The following KCNN2 variants were observed in gnomAD, a reference collection of about 807,000 sequenced individuals.
KCNN2 encodes potassium calcium-activated channel subfamily N member 2.
In KCNN2, 24 loss-of-function variants were observed where a neutral mutation model predicts 55.5. The observed-to-expected ratio is 0.43, with a 90% CI of 0.31 to 0.61. KCNN2 has a LOEUF of 0.61. Among genes scored for constraint, KCNN2 ranks in the 20% least tolerant of loss-of-function variants. KCNN2 has a pLI of 0.08. For synonymous variants in KCNN2, 431 were observed against 336.1 expected (o/e 1.28, Z -3.09); for missense variants, 754 against 853.6 (o/e 0.88, Z 1.45).
At chr5:114,087,292 T>A (rs564998614) in intron 1 of KCNN2, among the ~76,000 whole-genome samples, 1 of 152,192 alleles carries the variant, frequency 6.6e-6, no homozygotes, top group East Asian at 1.9e-4. Flanking sequence ...TAGATCCCAC[T>A]TGTCAATTTT....
At chr5:114,468,761 C>T (rs1048103018) in intron 4 of KCNN2, among the ~76,000 whole-genome samples, 17 of 152,120 alleles carry the variant, frequency 1.1e-4, no homozygotes, top group African/African-American at 3.9e-4. Context: ...GTCTTTTTCA[C>T]AGTTGAAATA....
In KCNN2 at chr5:114,136,440, C is replaced by G. The variant is rs560820169; in HGVS notation, c.-271+79940C>G. 3.2e-4 allele frequency among the ~76,000 whole-genome samples: 48 copies of G among 152,250 alleles called. 3 individuals are homozygous for G. The South Asian group carries it at 9.5e-3, about 30-fold the overall frequency. ...TCACAGCCATGAACCAAATAAATTT[C>G]TATTCATTATAAACTACTGGTCAAA... On this transcript the variant is annotated intron_variant, in intron 1 of 10. Transcript: ENST00000512097.
chr5:114,309,289 C>T (rs1030681963), intron 2 of KCNN2, among the ~76,000 whole-genome samples: 11 of 152,088 alleles, frequency 7.2e-5, no homozygotes, highest in African/African-American at 1.4e-4. Flanking sequence ...ATTCAAGGTC[C>T]GTAACATAAC....
chr5:114,238,854 G>C lies in KCNN2; in HGVS notation c.-185+17289G>C, dbSNP rs1398393102. On this transcript the variant is annotated intron_variant, in intron 2 of 10. Coordinates refer to the KCNN2 transcript ENST00000512097. Reference sequence around the variant, plus strand: ...CATGGACCTATTTTTTTTATGGTGTGCTGAGATGAAGGAGAACAGGGTACA... The same window carrying C: ...CATGGACCTATTTTTTTTATGGTGTCCTGAGATGAAGGAGAACAGGGTACA... Among the ~76,000 whole-genome samples, 3 of 152,112 alleles carry C rather than the reference G, an allele frequency of 2.0e-5. No homozygotes were observed. In the East Asian group the frequency reaches 5.8e-4, roughly 29 times the overall value.
chr5:114,060,029 T>TA (rs1283223250), intron 1 of KCNN2, among the ~76,000 whole-genome samples: 1 of 152,246 alleles, frequency 6.6e-6, no homozygotes, highest in Admixed American at 6.5e-5. Context: ...GCCGAAACAG[T>TA]CCCTAACAGC....
chr5:114,107,292 A>G (rs1240373223), intron 1 of KCNN2, among the ~76,000 whole-genome samples: 1 of 151,862 alleles, frequency 6.6e-6, no homozygotes, highest in Non-Finnish European at 1.5e-5. Flanking sequence ...TTTTTTTACT[A>G]TATTTTTACA....
chr5:114,217,944 C>T (rs1336453477), intron 1 of KCNN2, among the ~76,000 whole-genome samples: 3 of 152,112 alleles, frequency 2.0e-5, no homozygotes, highest in African/African-American at 7.2e-5. Flanking sequence ...AAGATCTGAA[C>T]ATTACTTCAC....
At chr5:114,194,595 G>GT (rs1219363360) in intron 1 of KCNN2, among the ~76,000 whole-genome samples, 2 of 152,032 alleles carry the variant, frequency 1.3e-5, no homozygotes, top group African/African-American at 4.8e-5. Context: ...TATTCTGAAT[G>GT]TAAGTCCTTT....
intron 1 of KCNN2, among the ~76,000 whole-genome samples, chr5:114,154,488 C>T (rs1752591353): frequency 6.6e-6 from 1 of 152,134 alleles, no homozygotes; most frequent in Non-Finnish European, 1.5e-5. Flanking sequence ...ATTACCTACT[C>T]TACAGGCTCA....
At chr5:114,112,903 A>G (rs1751630615) in intron 1 of KCNN2, among the ~76,000 whole-genome samples, 1 of 152,096 alleles carries the variant, frequency 6.6e-6, no homozygotes, top group African/African-American at 2.4e-5. Context: ...AGAGAATATA[A>G]TTCCTCTTTT....
upstream of KCNN2, among the ~76,000 whole-genome samples, chr5:114,359,362 G>A (rs1389394792): frequency 6.6e-6 from 1 of 152,094 alleles, no homozygotes; most frequent in Non-Finnish European, 1.5e-5. Flanking sequence ...ATCTCAGTAG[G>A]CAATTTCTGA....
chr5:114,385,234 C>T (rs73782217), intron 2 of KCNN2, among the ~76,000 whole-genome samples: 4,295 of 151,884 alleles, frequency 0.028, 180 homozygotes, highest in African/African-American at 0.095. Context: ...TCTTCCTTCC[C>T]TCCCTTTTGT....
chr5:114,057,597 A>C (rs1750238958), intron 1 of KCNN2, among the ~76,000 whole-genome samples: 1 of 152,214 alleles, frequency 6.6e-6, no homozygotes, highest in South Asian at 2.1e-4. Context: ...CAGTTGAGGG[A>C]GACAGACTAT....
rs184412957 is a variant in KCNN2 at position 114,432,957 on chromosome 5, C to A, written c.1637+28101C>A. Among the ~76,000 whole-genome samples, 1,120 of 152,312 alleles carry A rather than the reference C, an allele frequency of 7.4e-3. 12 individuals are homozygous for A. Among genetic ancestry groups the A allele is most frequent in the African/African-American group, 0.025 (1,056 of 41,568 alleles). On this transcript the variant is annotated intron_variant, in intron 3 of 7. Coordinates refer to ENST00000673685, the MANE Select transcript of KCNN2 (RefSeq NM_021614.4). The stretch of plus-strand genomic sequence containing the variant: ...GGACCTGCAGCCCGCCATGCCTGAA[C>A]CTCCCACCCCCTCCATGGGCTCCTG...
At chr5:114,181,650 G>A (rs764668782) in intron 1 of KCNN2, among the ~76,000 whole-genome samples, 45 of 152,016 alleles carry the variant, frequency 3.0e-4, no homozygotes, top group Non-Finnish European at 5.7e-4. Flanking sequence ...TGTTGCAAAG[G>A]TACTCTTTTA....
intron 1 of KCNN2, among the ~76,000 whole-genome samples, chr5:114,181,268 T>C (rs942518822): frequency 6.6e-6 from 1 of 152,238 alleles, no homozygotes; most frequent in Non-Finnish European, 1.5e-5. Flanking sequence ...CCAGTGTTTG[T>C]TCTCGTGAGT....
intron 3 of KCNN2, among the ~76,000 whole-genome samples, chr5:114,407,813 T>C (rs542741366): frequency 1.5e-4 from 23 of 152,332 alleles, no homozygotes; most frequent in Admixed American, 1.5e-3. Context: ...CATTTGCTTG[T>C]TCTCCTGGTA....
chr5:114,375,974 A>ATATATATATATATATATATATG (rs1757920729), intron 2 of KCNN2, among the ~76,000 whole-genome samples: 2 of 139,258 alleles, frequency 1.4e-5, no homozygotes, highest in South Asian at 4.7e-4. Flanking sequence ...ATATATATAT[A>ATATATATATATATATATATATG]TATGTATTTT....
intron 2 of KCNN2, among the ~76,000 whole-genome samples, chr5:114,258,180 C>T (rs1375734952): frequency 6.6e-6 from 1 of 151,974 alleles, no homozygotes; most frequent in Non-Finnish European, 1.5e-5. Context: ...TCTTCGCATC[C>T]CTGGAATAAA....
Sources: allele counts gnomAD v4.1 joint callset (sites outside exome capture counted in the v4.1 genomes callset), GRCh38; gene constraint gnomAD v4.1.1; transcripts MANE v1.5; gene names NCBI Gene and HGNC (gene_info 2026-07-23, HGNC 2026-07-21).